The following C13orf42 variants were observed in gnomAD, a reference collection of about 807,000 sequenced individuals.
C13orf42 encodes the protein chromosome 13 open reading frame 42.
At chr13:51,099,570 C>CAG (rs374181934) in intron 1 of C13orf42, among the ~76,000 whole-genome samples, 199 of 152,266 alleles carry the variant, frequency 1.3e-3, no homozygotes, top group African/African-American at 4.0e-3. Flanking sequence ...TTTCTGGTAA[C>CAG]AGGTTGTAGA....
At chr13:51,117,382 G>A (rs1197701575) in intron 1 of C13orf42, among the ~76,000 whole-genome samples, 2 of 152,182 alleles carry the variant, frequency 1.3e-5, no homozygotes. Context: ...ATTAGGAGTG[G>A]ATTATATAAT....
At chr13:51,167,982 C>T (rs1953915251) in intron 1 of C13orf42, among the ~76,000 whole-genome samples, 1 of 152,174 alleles carries the variant, frequency 6.6e-6, no homozygotes, top group African/African-American at 2.4e-5. Context: ...TGTGTATGTC[C>T]GGCCAGAAGA....
At chr13:51,162,727 G>T (rs189300348) in intron 1 of C13orf42, among the ~76,000 whole-genome samples, 1 of 152,294 alleles carries the variant, frequency 6.6e-6, no homozygotes, top group Admixed American at 6.5e-5. Context: ...ACTGGGCTGT[G>T]AGCAAGCCGA....
intron 1 of C13orf42, among the ~76,000 whole-genome samples, chr13:51,157,999 AAAAC>A (rs779877418): frequency 1.9e-4 from 29 of 152,356 alleles, no homozygotes; most frequent in Middle Eastern, 3.4e-3. Flanking sequence ...ACGTTTTTAA[AAAAC>A]AAACAAACAA....
intron 1 of C13orf42, among the ~76,000 whole-genome samples, chr13:51,121,330 A>G (rs1231000284): frequency 6.6e-6 from 1 of 152,202 alleles, no homozygotes; most frequent in African/African-American, 2.4e-5. Flanking sequence ...AATACTTGTT[A>G]GACCAGACCT....
At chr13:51,164,173 A>T (rs553322641) in intron 1 of C13orf42, among the ~76,000 whole-genome samples, 1 of 152,342 alleles carries the variant, frequency 6.6e-6, no homozygotes, top group African/African-American at 2.4e-5. Flanking sequence ...AATTGAAGTC[A>T]TGTCTACTGA....
intron 1 of C13orf42, among the ~76,000 whole-genome samples, chr13:51,165,723 G>A (rs1953897857): frequency 6.6e-6 from 1 of 152,174 alleles, no homozygotes; most frequent in Admixed American, 6.5e-5. Context: ...ACCTTGACAA[G>A]AGCAATTTTG....
chr13:51,141,095 GGTGTGTGTGTGTGTGTGTGTGT>G (rs3043870), intron 1 of C13orf42, among the ~76,000 whole-genome samples: 8 of 128,498 alleles, frequency 6.2e-5, no homozygotes, highest in African/African-American at 8.9e-5. Context: ...ATCGAAGGGA[GGTGTGTGTGTGTGTGTGTGTGT>G]GTGTGTGTGT....
rs750547895 is a variant in C13orf42, at chr13:51,082,571, A to G, written c.*1580T>C. Reference sequence around the variant, plus strand: ...AGTTTATCCCCAACAATGAACTTTTATAGATGAGGCTTCAAACAAGGCCAC... The same window carrying G: ...AGTTTATCCCCAACAATGAACTTTTGTAGATGAGGCTTCAAACAAGGCCAC... On this transcript the variant is annotated 3_prime_UTR_variant, in exon 4 of 4. Transcript: ENST00000563710. 2 of 152,220 alleles carry G rather than the reference A, an allele frequency of 1.3e-5. No homozygotes were observed. Among genetic ancestry groups the G allele is most frequent in the Non-Finnish European group, 2.9e-5 (2 of 68,042 alleles). 9.4% of individuals were successfully genotyped at this position (152,220 alleles called of 1,614,324 possible). A position where few individuals can be genotyped will look rare whatever the true frequency, so the allele number is the denominator to read the frequency against.
intron 1 of C13orf42, among the ~76,000 whole-genome samples, chr13:51,147,741 C>A (rs1455520727): frequency 2.5e-5 from 1 of 39,854 alleles, no homozygotes; most frequent in Non-Finnish European, 5.1e-5. Flanking sequence ...AAAAAAACAA[C>A]GAAGGGGTGG....
intron 1 of C13orf42, among the ~76,000 whole-genome samples, chr13:51,142,578 G>A (rs2408292): frequency 0.62 from 91,291 of 148,244 alleles, 28,451 homozygotes; most frequent in African/African-American, 0.7. Context: ...TATATATTGT[G>A]GGAAAACATT....
intron 1 of C13orf42, among the ~76,000 whole-genome samples, chr13:51,169,377 G>A (rs757063866): frequency 2.6e-5 from 4 of 152,198 alleles, no homozygotes; most frequent in Admixed American, 6.5e-5. Flanking sequence ...TGGAAGCAGA[G>A]TGTAAAAGTT....
At chr13:51,090,945 G>A (rs1422968516) in intron 1 of C13orf42, among the ~76,000 whole-genome samples, 1 of 152,212 alleles carries the variant, frequency 6.6e-6, no homozygotes, top group Non-Finnish European at 1.5e-5. Flanking sequence ...CCAAGCTAGT[G>A]GACAATAGCC....
intron 1 of C13orf42, among the ~76,000 whole-genome samples, chr13:51,151,747 C>G (rs891383219): frequency 2.6e-5 from 4 of 152,206 alleles, no homozygotes; most frequent in Non-Finnish European, 5.9e-5. Flanking sequence ...TGATGGTGCT[C>G]CCCTTTGCCT....
intron 1 of C13orf42, among the ~76,000 whole-genome samples, chr13:51,165,359 G>A (rs566735939): frequency 6.6e-6 from 1 of 152,296 alleles, no homozygotes; most frequent in East Asian, 1.9e-4. Flanking sequence ...TCTATTGTTA[G>A]TGTGTTTCAA....
At chr13:51,121,538 C>CTTTTT (rs374108603) in intron 1 of C13orf42, among the ~76,000 whole-genome samples, 4 of 137,824 alleles carry the variant, frequency 2.9e-5, no homozygotes, top group African/African-American at 5.4e-5. Context: ...AAAAAATTTT[C>CTTTTT]TTTTTTTTTT....
intron 1 of C13orf42, among the ~76,000 whole-genome samples, chr13:51,163,982 T>C (rs1953886118): frequency 1.3e-5 from 2 of 152,090 alleles, no homozygotes. Context: ...GGATATAGGA[T>C]GTCTAGAAAG....
intron 1 of C13orf42, among the ~76,000 whole-genome samples, chr13:51,132,675 G>A (rs1386963557): frequency 1.3e-5 from 2 of 151,984 alleles, no homozygotes; most frequent in Admixed American, 1.3e-4. Context: ...TAGGATTAAG[G>A]GTTTTGTTAT....
intron 1 of C13orf42, among the ~76,000 whole-genome samples, chr13:51,164,954 T>C (rs988331372): frequency 6.6e-6 from 1 of 152,164 alleles, no homozygotes; most frequent in African/African-American, 2.4e-5. Flanking sequence ...AGTTGAGATG[T>C]CCATAAGCAG....
Sources: gnomAD v4.1 joint callset for allele counts (sites outside exome capture counted in the v4.1 genomes callset) on GRCh38, gnomAD v4.1.1 for gene constraint, MANE v1.5 for transcripts, NCBI Gene and HGNC (gene_info 2026-07-23, HGNC 2026-07-21) for gene names.